EDEM1: variants seen among roughly 807,000 people sequenced by gnomAD.
EDEM1 encodes ER degradation enhancing alpha-mannosidase like protein 1, also known as ER degradation-enhancing alpha-mannosidase-like protein 1.
A neutral mutation model predicts 74.4 loss-of-function variants in EDEM1; 67 were observed. The observed-to-expected ratio is 0.90, with a 90% CI of 0.74 to 1.10. The LOEUF is 1.10. Among genes scored for constraint, EDEM1 ranks in the 50% least tolerant of loss-of-function variants. The pLI, the probability that EDEM1 is intolerant of heterozygous loss-of-function variation, is 0.00. For synonymous variants in EDEM1, 382 were observed against 335.9 expected (o/e 1.14, Z -1.50); for missense variants, 926 against 851.6 (o/e 1.09, Z -1.09).
rs78824722 is a variant in EDEM1, at chr3:5,194,435, G to T, written c.510-774G>T. Among the ~76,000 whole-genome samples the T allele has an allele frequency of 1.4e-3, 208 of 152,102 alleles. 1 individual carries two copies. The highest frequency in any genetic ancestry group is 4.9e-3 in the African/African-American group (203 of 41,468). On this transcript the variant is annotated intron_variant, in intron 1 of 11. Coordinates refer to ENST00000256497, the MANE Select transcript of EDEM1 (RefSeq NM_014674.3). Reference sequence around the variant, plus strand: ...TAGTTTTTTTGTTGTTGACTTTTTTGTAAAGTGTTACAAAGACATACCACA... The same window carrying T: ...TAGTTTTTTTGTTGTTGACTTTTTTTTAAAGTGTTACAAAGACATACCACA...
chr3:5,205,848 A>T (rs532224835), intron 6 of EDEM1, among the ~76,000 whole-genome samples: 9 of 151,674 alleles, frequency 5.9e-5, no homozygotes. Flanking sequence ...AAAATGATAC[A>T]TTCAGTGTGG....
chr3:5,193,967 G>A (rs538972957), intron 1 of EDEM1, among the ~76,000 whole-genome samples: 23 of 152,330 alleles, frequency 1.5e-4, no homozygotes, highest in Admixed American at 1.2e-3. Context: ...CAACTGGAGG[G>A]TTCAAATAAA....
intron 2 of EDEM1, among the ~76,000 whole-genome samples, chr3:5,196,347 T>C (rs2054966807): frequency 6.6e-6 from 1 of 152,104 alleles, no homozygotes; most frequent in Admixed American, 6.6e-5. Flanking sequence ...GTCCCAGCTC[T>C]TCAAGAGGCT....
intron 11 of EDEM1, 25 bp from the exon 12 acceptor site, chr3:5,215,804 T>C: frequency 1.2e-6 from 2 of 1,604,008 alleles, no homozygotes; most frequent in South Asian, 2.2e-5. Flanking sequence ...GAGTTTTTAA[T>C]TTTCCCTCGT....
chr3:5,192,402 A>AT (rs1206812983), intron 1 of EDEM1, among the ~76,000 whole-genome samples: 1 of 152,224 alleles, frequency 6.6e-6, no homozygotes, highest in Non-Finnish European at 1.5e-5. Context: ...CATATGTTTG[A>AT]TTTTGTTAGC....
At position 5,215,902 on chromosome 3, in the gene EDEM1, T is replaced by C; in HGVS notation, c.1958T>C (p.Met653Thr). ...ATCTACATGCGACAGATTGACCAGA[T>C]GGTTGGTTTGATTTGATCTGCTCTC... is the stretch of plus-strand genomic sequence containing the variant. ...KSIYMRQIDQ[M>T]VGLI Residue 653 changes from methionine (M) to threonine (T), a missense_variant, in exon 12 of 12, where the codon ATG (methionine) becomes ACG (threonine). By Grantham distance (81) the Met-to-Thr change is moderately conservative (BLOSUM62 -1). Coordinates refer to ENST00000256497, the MANE Select transcript of EDEM1 (RefSeq NM_014674.3). 10 of 1,613,044 alleles carry C rather than the reference T, an allele frequency of 6.2e-6. No homozygotes were observed. The highest frequency in any genetic ancestry group is 8.5e-6 in the Non-Finnish European group (10 of 1,179,598).
chr3:5,201,055 C>T (rs118094158), intron 3 of EDEM1, among the ~76,000 whole-genome samples: 1 of 151,890 alleles, frequency 6.6e-6, no homozygotes, highest in East Asian at 1.9e-4. Flanking sequence ...TGTCACCATG[C>T]CCAGCTTCTG....
At chr3:5,212,906 G>C (rs1207853365) in intron 10 of EDEM1, among the ~76,000 whole-genome samples, 1 of 152,220 alleles carries the variant, frequency 6.6e-6, no homozygotes, top group African/African-American at 2.4e-5. Context: ...ATAAAACTTG[G>C]TCCCTCCCTG....
At position 5,219,701 on chromosome 3, in the gene EDEM1, C is replaced by T. The variant is rs12107862; in HGVS notation, c.*3783C>T. 1.3e-5 allele frequency: 2 copies of T among 151,776 alleles called. No homozygotes were observed. Among genetic ancestry groups the T allele is most frequent in the African/African-American group, 4.9e-5 (2 of 41,220 alleles). The allele number at this position is 151,776 out of a possible 1,614,324, so 9.4% of individuals were successfully genotyped here. On this transcript the variant is annotated 3_prime_UTR_variant, in exon 12 of 12. Transcript: ENST00000256497. ...TGCATAAGAAAGGTAAATCTTTTTA[C>T]AAAAAAAAGTATAGAGTTGGAAACT...
rs2055279000 is a variant in EDEM1, at chr3:5,219,007, T to C, written c.*3089T>C. The C allele has an allele frequency of 6.6e-6, 1 of 152,222 alleles. No homozygotes were observed. The highest frequency in any genetic ancestry group is 1.5e-5 in the Non-Finnish European group (1 of 68,048). The allele number at this position is 152,222 out of a possible 1,614,324, so 9.4% of individuals were successfully genotyped here. A position where few individuals can be genotyped will look rare whatever the true frequency, so the allele number is the denominator to read the frequency against. On this transcript the variant is annotated 3_prime_UTR_variant, in exon 12 of 12. Transcript: ENST00000256497. ...TGCACCAGGATGGTGTCTGTGCACG[T>C]GACTATTAGAGGAGCGTCTGTAGAA... is the stretch of plus-strand genomic sequence containing the variant.
intron 10 of EDEM1, 102 bp from the exon 11 acceptor site, chr3:5,213,217 C>T: frequency 1.7e-6 from 2 of 1,186,956 alleles, no homozygotes; most frequent in South Asian, 1.5e-5. Context: ...AAGCATGAGG[C>T]CCAAGCAAAT....
In EDEM1 at chr3:5,215,840, A is replaced by T; in HGVS notation, c.1896A>T (p.Val632=). The change falls in exon 12 of 12, where the codon GTA becomes GTT. Residue 632 remains valine (V), a synonymous_variant. Transcript: ENST00000256497. ...TTTTGTCTTTCTAGTGCAATCGTGT[A>T]CCTGATGAGAGGAGGTACTCCCTGC... The part of the protein sequence containing the change: ...VINSSSNCNR[V]PDERRYSLPL... 1 of 1,613,116 alleles carries T rather than the reference A, an allele frequency of 6.2e-7. No individual in the cohort carries two copies. The highest frequency in any genetic ancestry group is 8.5e-7 in the Non-Finnish European group (1 of 1,179,620).
At position 5,213,229 on chromosome 3, in the gene EDEM1, C is replaced by CTACT. The variant is rs2106610725; in HGVS notation, c.1681-89_1681-86dup. 3 of 1,313,208 alleles carry CTACT rather than the reference C, an allele frequency of 2.3e-6. No homozygotes were observed. In the South Asian group the frequency reaches 4.4e-5, roughly 19 times the overall value. 81.3% of individuals were successfully genotyped at this position (1,313,208 alleles called of 1,614,324 possible). A position where few individuals can be genotyped will look rare whatever the true frequency, so the allele number is the denominator to read the frequency against. ...GAGAAGCATGAGGCCCAAGCAAATT[C>CTACT]TACTCCCTGAGTAGCTGGGACACGC... On this transcript the variant is annotated intron_variant, in intron 10 of 11. Coordinates refer to ENST00000256497, the MANE Select transcript of EDEM1 (RefSeq NM_014674.3).
At chr3:5,201,343 C>A (rs933199504) in intron 3 of EDEM1, among the ~76,000 whole-genome samples, 3 of 151,916 alleles carry the variant, frequency 2.0e-5, no homozygotes, top group Non-Finnish European at 4.4e-5. Flanking sequence ...TTAATAGAGA[C>A]AGGGTCTTGC....
intron 6 of EDEM1, among the ~76,000 whole-genome samples, chr3:5,206,484 G>T (rs1257406879): frequency 6.6e-6 from 1 of 152,104 alleles, no homozygotes; most frequent in African/African-American, 2.4e-5. Context: ...GGGATTACAG[G>T]TGTGAGCCAC....
At chr3:5,207,835 T>C (rs2055117009) in intron 7 of EDEM1, among the ~76,000 whole-genome samples, 1 of 152,192 alleles carries the variant, frequency 6.6e-6, no homozygotes. Flanking sequence ...AATCCATCGC[T>C]CAGTTGTTTA....
At chr3:5,210,896 C>T (rs2055159531) in intron 9 of EDEM1, among the ~76,000 whole-genome samples, 1 of 152,154 alleles carries the variant, frequency 6.6e-6, no homozygotes, top group Admixed American at 6.5e-5. Context: ...CCACCACGCC[C>T]ACACCCTCTA....
intron 1 of EDEM1, among the ~76,000 whole-genome samples, chr3:5,192,464 G>A (rs1426652541): frequency 6.6e-6 from 1 of 152,184 alleles, no homozygotes; most frequent in Non-Finnish European, 1.5e-5. Context: ...CATCTTTTCT[G>A]TTTTGAGGTG....
At chr3:5,199,793 C>T (rs1173427570) in intron 3 of EDEM1, 98 bp downstream of exon 3, 1 of 932,418 alleles carries the variant, frequency 1.1e-6, no homozygotes, top group Non-Finnish European at 1.6e-6. Context: ...ATGATCCAGG[C>T]AGGGAGTCCA....
Sources: allele counts gnomAD v4.1 joint callset (sites outside exome capture counted in the v4.1 genomes callset), GRCh38; gene constraint gnomAD v4.1.1; transcripts MANE v1.5; gene names NCBI Gene and HGNC (gene_info 2026-07-23, HGNC 2026-07-21).